Variants in CFAP54 observed in about 807,000 individuals in gnomAD.
CFAP54 encodes cilia and flagella associated protein 54.
CFAP54 carries 290 observed loss-of-function variants against 370.4 expected under a neutral mutation model. That is an observed-to-expected ratio of 0.78 (90% CI 0.71 to 0.86). The LOEUF (loss-of-function observed/expected upper bound fraction) is 0.86. Ranked by LOEUF, CFAP54 falls within the 40% of genes least tolerant of loss-of-function variation. The pLI is 0.00. For missense variants in CFAP54, 3,399 were observed against 3,528.7 expected (o/e 0.96, Z 0.93); for synonymous variants, 1,206 against 1,236.5 (o/e 0.98, Z 0.52).
At chr12:96,612,370 C>A (rs543976546) in intron 26 of CFAP54, among the ~76,000 whole-genome samples, 5 of 152,320 alleles carry the variant, frequency 3.3e-5, no homozygotes, top group African/African-American at 9.6e-5. Context: ...GCCTGCCCTA[C>A]AAGAGCTCCT....
intron 63 of CFAP54, among the ~76,000 whole-genome samples, chr12:96,803,813 G>T (rs953476781): frequency 7.2e-5 from 11 of 152,062 alleles, no homozygotes; most frequent in Non-Finnish European, 4.4e-5. Flanking sequence ...ATCAATGGAA[G>T]GACATAGTTA....
intron 65 of CFAP54, among the ~76,000 whole-genome samples, chr12:96,818,151 A>G (rs1385461117): frequency 6.6e-6 from 1 of 152,250 alleles, no homozygotes; most frequent in African/African-American, 2.4e-5. Context: ...ATCCAGATAA[A>G]TCGTTCAGCT....
At chr12:96,690,635 GT>G (rs201530930) in intron 43 of CFAP54, among the ~76,000 whole-genome samples, 1 of 151,398 alleles carries the variant, frequency 6.6e-6, no homozygotes, top group African/African-American at 2.4e-5. Flanking sequence ...AAAGAACATA[GT>G]TTTTTTTTAT....
chr12:96,554,616 G>A (rs1011539595), intron 16 of CFAP54, 60 bp from the exon 17 acceptor site: 20 of 1,407,128 alleles, frequency 1.4e-5, no homozygotes, highest in Non-Finnish European at 1.8e-5. Flanking sequence ...ATAGTATACA[G>A]CTATTTTTGT....
intron 55 of CFAP54, among the ~76,000 whole-genome samples, chr12:96,744,697 TTTTC>T (rs1235807621): frequency 6.6e-6 from 1 of 152,218 alleles, no homozygotes; most frequent in African/African-American, 2.4e-5. Flanking sequence ...TTATTATTTA[TTTTC>T]TTTCTTCAAC....
At chr12:96,627,530 T>C (rs1484343779) in intron 30 of CFAP54, among the ~76,000 whole-genome samples, 1 of 152,186 alleles carries the variant, frequency 6.6e-6, no homozygotes, top group Non-Finnish European at 1.5e-5. Context: ...GATCTGTCCA[T>C]CCCATTTTAA....
At position 96,651,794 on chromosome 12, in the gene CFAP54, A is replaced by G. The variant is rs1347555220; in HGVS notation, c.5079A>G (p.Leu1693=). The part of the protein sequence containing the change: ...AELLIDMLIQ[L]QNTSSIKPIE... ...TACTTATTGACATGTTAATACAACT[A>G]CAAAATACCAGTTCTATTAAGGTAA... The change falls in exon 36 of 68, where the codon CTA becomes CTG. Residue 1693 remains leucine (L), a synonymous_variant. Coordinates refer to ENST00000524981, the MANE Select transcript of CFAP54 (RefSeq NM_001306084.2). 5.6e-6 allele frequency: 9 copies of G among 1,594,666 alleles called. No homozygotes were observed. Among genetic ancestry groups the G allele is most frequent in the South Asian group, 3.3e-5 (3 of 90,584 alleles).
chr12:96,709,701 T>TTTATTA (rs71068827), intron 48 of CFAP54, among the ~76,000 whole-genome samples: 4,312 of 144,056 alleles, frequency 0.03, 145 homozygotes, highest in East Asian at 0.094. Context: ...TTGATCATGG[T>TTTATTA]TTATTATTAT....
At chr12:96,516,355 C>T (rs1004500278) in intron 5 of CFAP54, among the ~76,000 whole-genome samples, 1 of 152,132 alleles carries the variant, frequency 6.6e-6, no homozygotes, top group African/African-American at 2.4e-5. Context: ...TGTCTGTTGA[C>T]TAAATAGAAT....
chr12:96,535,930 A>G (rs536681681), intron 12 of CFAP54, among the ~76,000 whole-genome samples: 1 of 152,180 alleles, frequency 6.6e-6, no homozygotes, highest in Non-Finnish European at 1.5e-5. Flanking sequence ...TATTATTGGA[A>G]GTCACTTTGC....
intron 20 of CFAP54, among the ~76,000 whole-genome samples, chr12:96,579,607 C>T (rs914029801): frequency 6.6e-6 from 1 of 151,854 alleles, no homozygotes; most frequent in Admixed American, 6.6e-5. Context: ...TCTAGCTTGC[C>T]TTGTAGTTTA....
rs76472764 is a variant in CFAP54 at position 96,835,211 on chromosome 12, C to G, written c.9171+6123C>G. 3.9e-3 allele frequency among the ~76,000 whole-genome samples: 587 copies of G among 152,218 alleles called. 5 individuals carry two copies. Among genetic ancestry groups the G allele is most frequent in the African/African-American group, 0.014 (564 of 41,524 alleles). On this transcript the variant is annotated intron_variant, in intron 66 of 67. Transcript: ENST00000524981. ...TCTGAAGCTCTCAGCAGAGAAGAGG[C>G]CCTAGAGTGGGTAGCTTCTCTCTGC...
rs571058387 is a variant in CFAP54, at chr12:96,609,477, A to G, written c.3639+10710A>G. Among the ~76,000 whole-genome samples the G allele has an allele frequency of 2.6e-5, 4 of 152,338 alleles. 1 individual carries two copies. The highest frequency in any genetic ancestry group is 7.2e-5 in the African/African-American group (3 of 41,590). ...CATTTACCAACATTTTACAGCAAAT[A>G]TCATACTGAATGGCAATTTTCTGGA... On this transcript the variant is annotated intron_variant, in intron 26 of 67. Transcript: ENST00000524981.
Position 96,658,263 on chromosome 12 carries a change from CT to C in CFAP54, c.5379del (p.Leu1794CysfsTer2). 1.9e-6 allele frequency: 3 copies of C among 1,614,116 alleles called. No individual in the cohort carries two copies. The highest frequency in any genetic ancestry group is 2.5e-6 in the Non-Finnish European group (3 of 1,179,974). On this transcript the variant is annotated frameshift_variant, in exon 38 of 68. Coordinates refer to ENST00000524981, the MANE Select transcript of CFAP54 (RefSeq NM_001306084.2). LOFTEE classifies it high-confidence loss of function. ...ACTTCTGGTGTATGCACAGCGCCAGCTTCTGCTGAGAATACAGAAGTTCAAG... is the reference window on the plus strand; with the variant it reads ...ACTTCTGGTGTATGCACAGCGCCAGCTCTGCTGAGAATACAGAAGTTCAAG... Reference protein sequence around the residue: ...TPLLVYAQRQLLLRIQKFKGP... With the variant: ...TPLLVYAQRQXLLRIQKFKGP...
intron 63 of CFAP54, among the ~76,000 whole-genome samples, chr12:96,806,162 A>G (rs1958875570): frequency 1.1e-4 from 1 of 8,976 alleles, no homozygotes; most frequent in Non-Finnish European, 2.4e-4. Flanking sequence ...CTAGCCAAAT[A>G]TATATATATA....
intron 3 of CFAP54, among the ~76,000 whole-genome samples, chr12:96,504,752 C>T (rs150679679): frequency 6.6e-6 from 1 of 152,256 alleles, no homozygotes; most frequent in East Asian, 1.9e-4. Context: ...ACTCTTAAGG[C>T]ATGTTTGGGA....
chr12:96,683,003 T>C (rs1957288621), intron 40 of CFAP54, among the ~76,000 whole-genome samples: 1 of 152,236 alleles, frequency 6.6e-6, no homozygotes, highest in South Asian at 2.1e-4. Flanking sequence ...ACAGCTTCAG[T>C]AGTATATTCT....
intron 29 of CFAP54, 45 bp downstream of exon 29, chr12:96,625,852 T>C (rs1298090164): frequency 7.6e-7 from 1 of 1,312,858 alleles, no homozygotes; most frequent in Non-Finnish European, 1.0e-6. Flanking sequence ...GATTTATCAC[T>C]GAAGAGAATT....
chr12:96,554,142 C>A, intron 15 of CFAP54, 40 bp from the exon 16 acceptor site: 2 of 1,340,252 alleles, frequency 1.5e-6, no homozygotes, highest in Non-Finnish European at 2.0e-6. Context: ...TTGATTTTCC[C>A]TTGTTTTATT....
Sources: gnomAD v4.1 joint callset for allele counts (sites outside exome capture counted in the v4.1 genomes callset) on GRCh38, gnomAD v4.1.1 for gene constraint, MANE v1.5 for transcripts, NCBI Gene and HGNC (gene_info 2026-07-23, HGNC 2026-07-21) for gene names.